Variants in ARHGEF12 observed in about 807,000 individuals in gnomAD.
The protein encoded by ARHGEF12 is Rho guanine nucleotide exchange factor 12.
A neutral mutation model predicts 211.2 loss-of-function variants in ARHGEF12; 66 were observed. The observed-to-expected ratio is 0.31, with a 90% CI of 0.26 to 0.38. ARHGEF12 has a LOEUF of 0.38. ARHGEF12 is among the 10% of genes least tolerant of loss of function. The pLI is 1.00. For synonymous variants in ARHGEF12, 592 were observed against 638.4 expected (o/e 0.93, Z 1.09); for missense variants, 1,429 against 1,869.5 (o/e 0.76, Z 4.34).
In ARHGEF12 at chr11:120,358,122, G is replaced by T. The variant is rs183619786; in HGVS notation, c.32+20847G>T. 3.9e-4 allele frequency among the ~76,000 whole-genome samples: 59 copies of T among 152,240 alleles called. No homozygotes were observed. In the East Asian group the frequency reaches 0.011, roughly 27 times the overall value. On this transcript the variant is annotated intron_variant, in intron 1 of 40. Transcript: ENST00000397843. ...AGGCAGTAAGCGTTATGTTATAAAA[G>T]ATTCTTTCGGTGGTAGCGTGAAGAA...
At position 120,488,251 on chromosome 11, in the gene ARHGEF12, G is replaced by A. The variant is rs938055346; in HGVS notation, c.*3174G>A. 3 of 215,490 alleles carry A rather than the reference G, an allele frequency of 1.4e-5. No individual in the cohort carries two copies. Among genetic ancestry groups the A allele is most frequent in the East Asian group, 6.9e-5 (1 of 14,508 alleles). The allele number at this position is 215,490 out of a possible 1,614,324, so 13.3% of individuals were successfully genotyped here. On this transcript the variant is annotated 3_prime_UTR_variant, in exon 41 of 41. Transcript: ENST00000397843. ...ACGTGGGGCTTCCATATTTCAAAGTGGAAGCTTTCTTCTCTGAAGTCGATA... is the reference window on the plus strand; with the variant it reads ...ACGTGGGGCTTCCATATTTCAAAGTAGAAGCTTTCTTCTCTGAAGTCGATA...
chr11:120,477,973 T>A (rs2135991630), intron 36 of ARHGEF12, among the ~76,000 whole-genome samples, 183 bp from the exon 37 acceptor site: 1 of 152,266 alleles, frequency 6.6e-6, no homozygotes, highest in East Asian at 1.9e-4. Flanking sequence ...TTTAACAAAC[T>A]TTGCCTTTGA....
In ARHGEF12 at chr11:120,424,416, G is replaced by A; in HGVS notation, c.406+1G>A. ...CTGGAGGTGGTGAAGCTAATCAAAT[G>A]TAGGTGAATGTTATTCTTAGTTTTA... is the stretch of plus-strand genomic sequence containing the variant. On this transcript the variant is annotated splice_donor_variant, in intron 7 of 40. Transcript: ENST00000397843. LOFTEE classifies it high-confidence loss of function. 6.2e-7 allele frequency: 1 copy of A among 1,612,524 alleles called. No homozygotes were observed. The highest frequency in any genetic ancestry group is 8.5e-7 in the Non-Finnish European group (1 of 1,178,994).
intron 1 of ARHGEF12, among the ~76,000 whole-genome samples, chr11:120,348,270 TATAA>T (rs1591484471): frequency 1.3e-5 from 2 of 152,312 alleles, no homozygotes; most frequent in East Asian, 1.9e-4. Context: ...CTATTTAAAA[TATAA>T]ATAAATAAAA....
chr11:120,446,578 C>A, intron 17 of ARHGEF12, 70 bp downstream of exon 17: 1 of 1,203,566 alleles, frequency 8.3e-7, no homozygotes. Context: ...GAAAAAGTTG[C>A]TCATTAAATA....
chr11:120,364,989 G>C (rs559090575), intron 1 of ARHGEF12, among the ~76,000 whole-genome samples: 2 of 152,104 alleles, frequency 1.3e-5, no homozygotes, highest in African/African-American at 4.8e-5. Context: ...CTCTCACTAT[G>C]TTGCCCAGGC....
At position 120,337,082 on chromosome 11, in the gene ARHGEF12, A is replaced by T; in HGVS notation, c.-162A>T. ...GTTTTGCTCCAAGCCGCATCCGTTG[A>T]CCCCTTACAGTCGGATGGTCTAGAT... is the stretch of plus-strand genomic sequence containing the variant. On this transcript the variant is annotated 5_prime_UTR_variant, in exon 1 of 41. Transcript: ENST00000397843. 1 of 777,390 alleles carries T rather than the reference A, an allele frequency of 1.3e-6. No individual in the cohort carries two copies. The highest frequency in any genetic ancestry group is 2.2e-6 in the Non-Finnish European group (1 of 463,022). 48.2% of individuals were successfully genotyped at this position (777,390 alleles called of 1,614,324 possible). A position where few individuals can be genotyped will look rare whatever the true frequency, so the allele number is the denominator to read the frequency against.
At chr11:120,398,081 A>AG (rs1944444524) in intron 1 of ARHGEF12, among the ~76,000 whole-genome samples, 1 of 152,212 alleles carries the variant, frequency 6.6e-6, no homozygotes, top group Non-Finnish European at 1.5e-5. Context: ...ATTGCTTTAT[A>AG]GGAAACTACA....
At chr11:120,381,465 G>A (rs1456943692) in intron 1 of ARHGEF12, among the ~76,000 whole-genome samples, 1 of 152,158 alleles carries the variant, frequency 6.6e-6, no homozygotes, top group South Asian at 2.1e-4. Context: ...CAGTATTTAT[G>A]TACAGTTTCT....
intron 3 of ARHGEF12, chr11:120,409,189 C>T (rs910736582): frequency 1.3e-5 from 7 of 522,680 alleles, no homozygotes; most frequent in Non-Finnish European, 2.4e-5. Flanking sequence ...TTTTATTGCA[C>T]TGTCTTTTCT....
intron 1 of ARHGEF12, among the ~76,000 whole-genome samples, chr11:120,359,431 A>G (rs897740355): frequency 6.6e-6 from 1 of 152,098 alleles, no homozygotes; most frequent in African/African-American, 2.4e-5. Flanking sequence ...TGGTAGAGAT[A>G]GGGTTTTGCC....
chr11:120,421,901 T>G, intron 6 of ARHGEF12, 49 bp downstream of exon 6: 1 of 1,417,900 alleles, frequency 7.1e-7, no homozygotes, highest in Non-Finnish European at 9.8e-7. Context: ...AAAAACAACA[T>G]ATATTGGTCA....
intron 29 of ARHGEF12, among the ~76,000 whole-genome samples, chr11:120,468,275 A>G (rs1946764638): frequency 6.6e-6 from 1 of 152,206 alleles, no homozygotes; most frequent in African/African-American, 2.4e-5. Context: ...AAATTATGGT[A>G]CCTGGTAACA....
At chr11:120,467,606 C>CTTTT (rs71050748) in intron 29 of ARHGEF12, among the ~76,000 whole-genome samples, 5 of 106,920 alleles carry the variant, frequency 4.7e-5, no homozygotes, top group African/African-American at 1.5e-4. Flanking sequence ...CCACACTTGG[C>CTTTT]TTTTTTTTTT....
rs542088964 is a variant in ARHGEF12 at position 120,348,564 on chromosome 11, A to T, written c.32+11289A>T. 3.9e-5 allele frequency among the ~76,000 whole-genome samples: 6 copies of T among 152,340 alleles called. No homozygotes were observed. The South Asian group carries it at 1.2e-3, about 32-fold the overall frequency. ...ATAAAATTACCGTTAGGCGGGGGCC[A>T]GGCATGGTGGCTCAAGCCTGTAATC... On this transcript the variant is annotated intron_variant, in intron 1 of 40. Transcript: ENST00000397843.
chr11:120,385,360 T>C (rs777609572), intron 1 of ARHGEF12: 136 of 985,342 alleles, frequency 1.4e-4, no homozygotes, highest in African/African-American at 1.0e-3. Flanking sequence ...ATGTCGAATG[T>C]ATATATAAAG....
At chr11:120,476,801 G>A in intron 34 of ARHGEF12, 53 bp downstream of exon 34, 1 of 1,386,582 alleles carries the variant, frequency 7.2e-7, no homozygotes, top group South Asian at 1.3e-5. Flanking sequence ...ATTATCCCAA[G>A]CGTAATATTC....
intron 1 of ARHGEF12, among the ~76,000 whole-genome samples, chr11:120,339,555 G>T (rs984556502): frequency 3.7e-4 from 57 of 152,216 alleles, no homozygotes; most frequent in Non-Finnish European, 1.8e-4. Flanking sequence ...TTTCAAGTTT[G>T]AAGTGCTGTA....
chr11:120,359,211 C>G (rs1054788092), intron 1 of ARHGEF12, among the ~76,000 whole-genome samples: 20 of 152,086 alleles, frequency 1.3e-4, no homozygotes, highest in Non-Finnish European at 2.6e-4. Flanking sequence ...GGCATGAATA[C>G]CAAGAGTCAA....
Sources: gnomAD v4.1 joint callset for allele counts (sites outside exome capture counted in the v4.1 genomes callset) on GRCh38, gnomAD v4.1.1 for gene constraint, MANE v1.5 for transcripts, NCBI Gene and HGNC (gene_info 2026-07-23, HGNC 2026-07-21) for gene names.